The following SLCO1A2 variants were observed in gnomAD, a reference collection of about 807,000 sequenced individuals.
SLCO1A2 encodes the protein OATP-1.
Under a neutral mutation model 69.0 loss-of-function variants are expected in SLCO1A2, and 67 were observed. That is an observed-to-expected ratio of 0.97 (90% CI 0.80 to 1.19). The LOEUF (loss-of-function observed/expected upper bound fraction) is 1.19. Among genes scored for constraint, SLCO1A2 ranks in the 50% most tolerant of loss-of-function variants. The pLI, the probability that SLCO1A2 is intolerant of heterozygous loss-of-function variation, is 0.00. For missense variants in SLCO1A2, 787 were observed against 793.7 expected (o/e 0.99, Z 0.10); for synonymous variants, 260 against 265.9 (o/e 0.98, Z 0.22).
At chr12:21,347,739 G>A (rs941918774) in intron 2 of SLCO1A2, among the ~76,000 whole-genome samples, 6 of 146,588 alleles carry the variant, frequency 4.1e-5, no homozygotes, top group South Asian at 4.4e-4. Flanking sequence ...GGGGAAAACT[G>A]AATCATATAG....
intron 2 of SLCO1A2, among the ~76,000 whole-genome samples, chr12:21,327,677 C>A (rs527939105): frequency 6.6e-6 from 1 of 152,272 alleles, no homozygotes; most frequent in Non-Finnish European, 1.5e-5. Context: ...CCATCTTCTT[C>A]ATTTTGGTTA....
At chr12:21,411,120 T>G (rs940862638) in intron 1 of SLCO1A2, among the ~76,000 whole-genome samples, 10 of 152,200 alleles carry the variant, frequency 6.6e-5, no homozygotes, top group African/African-American at 2.4e-4. Flanking sequence ...AAAAAAATCC[T>G]TGCTTTTAGT....
intron 12 of SLCO1A2, among the ~76,000 whole-genome samples, chr12:21,275,951 A>G (rs892338587): frequency 6.6e-6 from 1 of 152,182 alleles, no homozygotes; most frequent in Non-Finnish European, 1.5e-5. Flanking sequence ...CAAAAAAAAA[A>G]AATTGTTTTT....
At chr12:21,354,624 G>A (rs1302086218) in intron 2 of SLCO1A2, among the ~76,000 whole-genome samples, 1 of 152,076 alleles carries the variant, frequency 6.6e-6, no homozygotes, top group African/African-American at 2.4e-5. Flanking sequence ...CTATTCCATT[G>A]TATCTGTTTC....
At chr12:21,381,061 GT>G (rs1940556503) in intron 1 of SLCO1A2, among the ~76,000 whole-genome samples, 1 of 152,138 alleles carries the variant, frequency 6.6e-6, no homozygotes, top group Non-Finnish European at 1.5e-5. Flanking sequence ...GATCTCAGAA[GT>G]TGGGTGAGTG....
At chr12:21,310,821 T>A (rs1403705300) in intron 4 of SLCO1A2, among the ~76,000 whole-genome samples, 1 of 152,178 alleles carries the variant, frequency 6.6e-6, no homozygotes, top group Non-Finnish European at 1.5e-5. Flanking sequence ...GCCAGGATGG[T>A]CTTGATCTCC....
intron 1 of SLCO1A2, among the ~76,000 whole-genome samples, chr12:21,408,931 G>T (rs1384591136): frequency 6.6e-6 from 1 of 151,858 alleles, no homozygotes; most frequent in Non-Finnish European, 1.5e-5. Flanking sequence ...TTAAAGGCTG[G>T]TAGAATAAAA....
chr12:21,316,502 C>A (rs1384084277), intron 3 of SLCO1A2, among the ~76,000 whole-genome samples: 2 of 151,636 alleles, frequency 1.3e-5, no homozygotes, highest in African/African-American at 4.8e-5. Context: ...GGGAATAGTT[C>A]TTCATCCTTG....
At chr12:21,370,229 T>C (rs1417838116) in intron 2 of SLCO1A2, among the ~76,000 whole-genome samples, 1 of 152,120 alleles carries the variant, frequency 6.6e-6, no homozygotes, top group African/African-American at 2.4e-5. Flanking sequence ...GGGCAAATAA[T>C]AACCACCGAA....
chr12:21,367,889 ATT>A (rs1429635014), intron 2 of SLCO1A2, among the ~76,000 whole-genome samples: 1 of 152,184 alleles, frequency 6.6e-6, no homozygotes, highest in Middle Eastern at 3.2e-3. Context: ...CTTGCCTTTC[ATT>A]TAAAACTACC....
At chr12:21,337,330 A>T (rs1198848999), upstream of SLCO1A2, among the ~76,000 whole-genome samples, 1 of 152,070 alleles carries the variant, frequency 6.6e-6, no homozygotes, top group Non-Finnish European at 1.5e-5. Context: ...TGAAACAAAT[A>T]TAAAACAAAT....
chr12:21,298,668 C>T (rs1948124422), intron 8 of SLCO1A2, among the ~76,000 whole-genome samples: 2 of 152,120 alleles, frequency 1.3e-5, no homozygotes, highest in South Asian at 2.1e-4. Context: ...TGTTTGTTGA[C>T]ATCCCTGTCC....
At chr12:21,348,753 C>A (rs933586287) in intron 2 of SLCO1A2, among the ~76,000 whole-genome samples, 1 of 152,112 alleles carries the variant, frequency 6.6e-6, no homozygotes, top group African/African-American at 2.4e-5. Context: ...TTCAATTCAG[C>A]CATTTGTTAT....
At chr12:21,299,034 T>C in intron 8 of SLCO1A2, among the ~76,000 whole-genome samples, 1 of 151,656 alleles carries the variant, frequency 6.6e-6, no homozygotes, top group East Asian at 1.9e-4. Flanking sequence ...TAATAATGTG[T>C]GCTAGAATGT....
chr12:21,331,577 C>T (rs150295590), intron 2 of SLCO1A2, among the ~76,000 whole-genome samples: 6 of 151,648 alleles, frequency 4.0e-5, no homozygotes, highest in African/African-American at 9.7e-5. Flanking sequence ...TAAGACTAGC[C>T]GGCTGTCAAT....
intron 2 of SLCO1A2, among the ~76,000 whole-genome samples, chr12:21,325,474 G>A (rs1187007076): frequency 6.6e-6 from 1 of 152,160 alleles, no homozygotes; most frequent in Non-Finnish European, 1.5e-5. Flanking sequence ...TTCCCAGCAA[G>A]GGATTGAGCC....
At chr12:21,415,263 A>T (rs1443490924) in intron 1 of SLCO1A2, among the ~76,000 whole-genome samples, 3 of 152,082 alleles carry the variant, frequency 2.0e-5, no homozygotes, top group African/African-American at 7.2e-5. Context: ...TATCCTCTTG[A>T]TTCCTACCAT....
At position 21,319,565 on chromosome 12, in the gene SLCO1A2, T is replaced by C. The variant is rs936938048; in HGVS notation, c.61-642A>G. ...GCATATAAGCCCAGGACAGAGTATT[T>C]TCAGGGTTTCTCAGCTGCAGTGTAA... is the stretch of plus-strand genomic sequence containing the variant. On this transcript the variant is annotated intron_variant, in intron 2 of 14. Transcript: ENST00000683939. 3.3e-6 allele frequency: 3 copies of C among 914,570 alleles called. No individual in the cohort carries two copies. The South Asian group carries it at 4.1e-5, about 12-fold the overall frequency. The allele number at this position is 914,570 out of a possible 1,614,324, so 56.7% of individuals were successfully genotyped here.
chr12:21,315,492 C>T (rs1409693143), intron 3 of SLCO1A2, among the ~76,000 whole-genome samples: 2 of 152,022 alleles, frequency 1.3e-5, no homozygotes, highest in Non-Finnish European at 2.9e-5. Flanking sequence ...TAATATCTAC[C>T]TTGCCCCCAC....
Sources: gnomAD v4.1 joint callset for allele counts (sites outside exome capture counted in the v4.1 genomes callset) on GRCh38, gnomAD v4.1.1 for gene constraint, MANE v1.5 for transcripts, NCBI Gene and HGNC (gene_info 2026-07-23, HGNC 2026-07-21) for gene names.